ZNF831: variants seen among roughly 807,000 people sequenced by gnomAD.
ZNF831 encodes chromosome 20 open reading frame 174.
In ZNF831, 59 loss-of-function variants were observed where a neutral mutation model predicts 95.8. The observed-to-expected ratio is 0.62, with a 90% confidence interval of 0.50 to 0.77. ZNF831 has a LOEUF of 0.77. Ranked by LOEUF, ZNF831 falls within the 30% of genes least tolerant of loss-of-function variation. The probability of loss-of-function intolerance (pLI) is 0.00; values close to 1 mark genes in which losing one functional copy is unlikely to be tolerated. For synonymous variants in ZNF831, 961 were observed against 925.5 expected (o/e 1.04, Z -0.70); for missense variants, 2,205 against 2,164.0 (o/e 1.02, Z -0.38).
intron 4 of ZNF831, among the ~76,000 whole-genome samples, chr20:59,211,661 G>A (rs1303955185): frequency 6.6e-6 from 1 of 152,174 alleles, no homozygotes. Context: ...TCACTTCAAA[G>A]GAACCCAGAG....
At chr20:59,203,205 T>C (rs1984653060) in intron 3 of ZNF831, among the ~76,000 whole-genome samples, 1 of 152,240 alleles carries the variant, frequency 6.6e-6, no homozygotes. Flanking sequence ...TGAATTCATA[T>C]ATATAGAAGG....
At chr20:59,151,795 A>G (rs1427795376) in intron 2 of ZNF831, among the ~76,000 whole-genome samples, 2 of 152,188 alleles carry the variant, frequency 1.3e-5, no homozygotes, top group Non-Finnish European at 2.9e-5. Flanking sequence ...AGCCCCATGT[A>G]TTGGAGATGT....
chr20:59,132,806 G>A (rs564311688), intron 1 of ZNF831, among the ~76,000 whole-genome samples: 5 of 152,358 alleles, frequency 3.3e-5, no homozygotes, highest in African/African-American at 9.6e-5. Flanking sequence ...GCTGAAGGCC[G>A]CTTCTCCAGC....
chr20:59,132,583 C>T (rs1979381141), intron 1 of ZNF831, among the ~76,000 whole-genome samples: 2 of 152,192 alleles, frequency 1.3e-5, no homozygotes, highest in South Asian at 4.1e-4. Context: ...TTTTGATGAT[C>T]AGAGAGGTGA....
chr20:59,244,692 C>T (rs977135322), intron 4 of ZNF831, among the ~76,000 whole-genome samples: 1 of 152,188 alleles, frequency 6.6e-6, no homozygotes, highest in Non-Finnish European at 1.5e-5. Context: ...CAGACAGACA[C>T]CTTTTGTTGT....
intron 4 of ZNF831, among the ~76,000 whole-genome samples, chr20:59,249,357 A>G (rs1169040226): frequency 6.6e-6 from 1 of 151,936 alleles, no homozygotes; most frequent in Non-Finnish European, 1.5e-5. Flanking sequence ...TACTGCCTGT[A>G]ATACTCTCAT....
chr20:59,142,003 G>A (rs1040555922), intron 1 of ZNF831, among the ~76,000 whole-genome samples: 3 of 152,176 alleles, frequency 2.0e-5, no homozygotes, highest in Admixed American at 6.5e-5. Context: ...TGGCTTGGCC[G>A]CCTCATTCCG....
intron 3 of ZNF831, among the ~76,000 whole-genome samples, chr20:59,203,910 A>C (rs1984703049): frequency 6.6e-6 from 1 of 152,210 alleles, no homozygotes; most frequent in Non-Finnish European, 1.5e-5. Flanking sequence ...AGCACTCACA[A>C]AATACCTCCC....
At chr20:59,234,196 C>T (rs1041264286) in intron 4 of ZNF831, among the ~76,000 whole-genome samples, 1 of 152,182 alleles carries the variant, frequency 6.6e-6, no homozygotes, top group Non-Finnish European at 1.5e-5. Flanking sequence ...CTTGGTTCTT[C>T]CTGTCTTTGC....
At position 59,193,896 on chromosome 20, in the gene ZNF831, A is replaced by G; in HGVS notation, c.2877A>G (p.Gly959=). The change falls in exon 2 of 6, where the codon GGA becomes GGG. Residue 959 remains glycine (G), a synonymous_variant. Coordinates refer to ENST00000371030, the MANE Select transcript of ZNF831 (RefSeq NM_178457.3). ...CCTTACCACTGCCCATTCCCTGGGG[A>G]CCAAGGCACAGCCAGGACTCTCTCT... is the stretch of plus-strand genomic sequence containing the variant. ...ETPLPLPIPW[G]PRHSQDSLCS... is the part of the protein sequence containing the mutation. 1 of 1,606,940 alleles carries G rather than the reference A, an allele frequency of 6.2e-7. No individual in the cohort carries two copies. Among genetic ancestry groups the G allele is most frequent in the Non-Finnish European group, 8.5e-7 (1 of 1,176,378 alleles).
At chr20:59,130,398 G>A (rs1330496497) in intron 1 of ZNF831, among the ~76,000 whole-genome samples, 1 of 152,134 alleles carries the variant, frequency 6.6e-6, no homozygotes, top group Non-Finnish European at 1.5e-5. Flanking sequence ...AGTTTCCAGG[G>A]TGCACTGAAC....
At position 59,200,695 on chromosome 20, in the gene ZNF831, G is replaced by A. The variant is rs542948209; in HGVS notation, c.3875+4690G>A. 3.3e-4 allele frequency among the ~76,000 whole-genome samples: 50 copies of A among 152,208 alleles called. 1 individual carries two copies. The highest frequency in any genetic ancestry group is 1.1e-3 in the African/African-American group (47 of 41,534). On this transcript the variant is annotated intron_variant, in intron 3 of 5. Transcript: ENST00000371030. The stretch of plus-strand genomic sequence containing the variant: ...TGCTTTCTGTCACATAGGATAGTTT[G>A]CCTTTTCTAGAATTTTATAGAAACA...
chr20:59,253,748 T>C (rs769905087), intron 5 of ZNF831, 150 bp from the exon 6 acceptor site: 189 of 836,308 alleles, frequency 2.3e-4, no homozygotes, highest in Non-Finnish European at 2.8e-4. Context: ...TGGAAACTTA[T>C]TGAGGGCGTC....
chr20:59,136,188 G>C (rs1979503914), intron 1 of ZNF831, among the ~76,000 whole-genome samples: 1 of 152,138 alleles, frequency 6.6e-6, no homozygotes, highest in South Asian at 2.1e-4. Flanking sequence ...AGGCTGTCAA[G>C]TCCTTCTCAT....
chr20:59,133,491 C>T (rs560999249), intron 1 of ZNF831, among the ~76,000 whole-genome samples: 4 of 152,192 alleles, frequency 2.6e-5, no homozygotes, highest in Non-Finnish European at 4.4e-5. Flanking sequence ...CAGGTCTGTC[C>T]ATAGGCATCT....
intron 1 of ZNF831, among the ~76,000 whole-genome samples, chr20:59,139,972 A>C (rs563284433): frequency 3.3e-5 from 5 of 152,342 alleles, no homozygotes; most frequent in African/African-American, 4.8e-5. Flanking sequence ...ATTTTTATGT[A>C]TGCACAATAG....
intron 2 of ZNF831, among the ~76,000 whole-genome samples, chr20:59,158,568 TGGA>T (rs1980668202): frequency 1.3e-5 from 2 of 152,188 alleles, no homozygotes; most frequent in Non-Finnish European, 2.9e-5. Flanking sequence ...TAGCCTTCCC[TGGA>T]GGAGTTTGGG....
intron 1 of ZNF831, among the ~76,000 whole-genome samples, chr20:59,139,251 T>A (rs1038110035): frequency 1.2e-4 from 19 of 152,218 alleles, no homozygotes; most frequent in African/African-American, 4.3e-4. Flanking sequence ...ATTTCTATGG[T>A]GTGGATGTAC....
intron 1 of ZNF831, among the ~76,000 whole-genome samples, chr20:59,131,228 T>G (rs893311542): frequency 3.3e-5 from 5 of 152,200 alleles, no homozygotes; most frequent in Non-Finnish European, 7.3e-5. Flanking sequence ...AAAACAGCTT[T>G]GTGGTCATCA....
Sources: gnomAD v4.1 joint callset for allele counts (sites outside exome capture counted in the v4.1 genomes callset) on GRCh38, gnomAD v4.1.1 for gene constraint, MANE v1.5 for transcripts, NCBI Gene and HGNC (gene_info 2026-07-23, HGNC 2026-07-21) for gene names.